The following ROBO1 variants were observed in gnomAD, a reference collection of about 807,000 sequenced individuals.
ROBO1 encodes roundabout guidance receptor 1, also known as roundabout homolog 1.
A neutral mutation model predicts 195.9 loss-of-function variants in ROBO1; 149 were observed. The observed-to-expected ratio is 0.76, with a 90% CI of 0.67 to 0.87. The LOEUF (loss-of-function observed/expected upper bound fraction) is 0.87, where lower values mean the gene tolerates loss of function less well. ROBO1 is among the 40% of genes least tolerant of loss of function. The pLI is 0.00. For synonymous variants in ROBO1, 816 were observed against 733.2 expected (o/e 1.11, Z -1.82); for missense variants, 1,933 against 2,068.3 (o/e 0.93, Z 1.27).
intron 10 of ROBO1, among the ~76,000 whole-genome samples, chr3:78,681,686 C>T (rs1337159079): frequency 6.6e-6 from 1 of 151,976 alleles, no homozygotes; most frequent in East Asian, 2.0e-4. Context: ...GGGTGGATCA[C>T]GAGGTCAGGA....
rs139168503 is a variant in ROBO1 at position 79,529,990 on chromosome 3, G to A, written c.88+59834C>T. Among the ~76,000 whole-genome samples, 34 of 152,196 alleles carry A rather than the reference G, an allele frequency of 2.2e-4. No individual in the cohort carries two copies. In the East Asian group the frequency reaches 5.6e-3, roughly 25 times the overall value. ...CCTTTTTAAGGTAAAATAGTTAAGC[G>A]CATGATATGGCTACTTGGAGAACCT... On this transcript the variant is annotated intron_variant, in intron 2 of 30. Transcript: ENST00000464233.
intron 2 of ROBO1, among the ~76,000 whole-genome samples, chr3:79,328,022 T>C (rs1161301741): frequency 6.6e-6 from 1 of 152,222 alleles, no homozygotes; most frequent in Non-Finnish European, 1.5e-5. Flanking sequence ...AAATAAGAGC[T>C]ATTAACCAAG....
chr3:79,008,887 C>CTGTGTG (rs1559586095), intron 3 of ROBO1, among the ~76,000 whole-genome samples: 280 of 73,570 alleles, frequency 3.8e-3, no homozygotes, highest in African/African-American at 0.013. Context: ...CTGCACCCAG[C>CTGTGTG]CGTGTGTGTG....
chr3:79,296,161 G>T (rs897017346), intron 2 of ROBO1, among the ~76,000 whole-genome samples: 1 of 152,050 alleles, frequency 6.6e-6, no homozygotes, highest in East Asian at 1.9e-4. Context: ...ATGGGGAAAC[G>T]TCCCTCTTAT....
At chr3:78,635,652 A>G in intron 23 of ROBO1, 121 bp downstream of exon 23, 1 of 870,060 alleles carries the variant, frequency 1.1e-6, no homozygotes. Context: ...CAAAGAAATA[A>G]GAAAATCTCA....
chr3:79,160,739 G>C (rs1285019443), intron 2 of ROBO1, among the ~76,000 whole-genome samples: 1 of 152,020 alleles, frequency 6.6e-6, no homozygotes, highest in Non-Finnish European at 1.5e-5. Context: ...AGGATGAACA[G>C]TGAGAAACAT....
At chr3:79,201,455 CACA>C (rs1352733753) in intron 2 of ROBO1, among the ~76,000 whole-genome samples, 1 of 151,956 alleles carries the variant, frequency 6.6e-6, no homozygotes, top group Admixed American at 6.6e-5. Context: ...ATTTAGTCCT[CACA>C]ACAATTCTAT....
intron 3 of ROBO1, among the ~76,000 whole-genome samples, chr3:79,064,930 A>G (rs2078980480): frequency 6.6e-6 from 1 of 152,012 alleles, no homozygotes; most frequent in Non-Finnish European, 1.5e-5. Context: ...GAAAAGTACT[A>G]CAGGTAAAAA....
intron 4 of ROBO1, among the ~76,000 whole-genome samples, chr3:78,825,769 G>T (rs1007384020): frequency 6.6e-6 from 1 of 152,140 alleles, no homozygotes; most frequent in Non-Finnish European, 1.5e-5. Flanking sequence ...AAGTGCAAAA[G>T]TGATATTCTC....
intron 2 of ROBO1, among the ~76,000 whole-genome samples, chr3:79,253,134 A>G (rs1452855241): frequency 4.6e-5 from 7 of 152,176 alleles, no homozygotes; most frequent in Non-Finnish European, 8.8e-5. Context: ...ATTCAATACA[A>G]ATCAATTATT....
intron 1 of ROBO1, among the ~76,000 whole-genome samples, chr3:79,738,233 A>G (rs981802515): frequency 2.6e-5 from 4 of 152,214 alleles, no homozygotes; most frequent in African/African-American, 9.6e-5. Flanking sequence ...CCCACCAAGT[A>G]GAGAAACAGT....
At position 79,023,607 on chromosome 3, in the gene ROBO1, G is replaced by A. The variant is rs139646266; in HGVS notation, c.173-84680C>T. ...GTTCCAAAACAAAAATCACAGGGAG[G>A]AGAAATTCCCAGGGTTATTCGTCTT... On this transcript the variant is annotated intron_variant, in intron 3 of 30. Coordinates refer to ENST00000464233, the MANE Select transcript of ROBO1 (RefSeq NM_002941.4). Among the ~76,000 whole-genome samples, 402 of 150,588 alleles carry A rather than the reference G, an allele frequency of 2.7e-3. 4 individuals carry two copies. Among genetic ancestry groups the A allele is most frequent in the African/African-American group, 8.5e-3 (348 of 40,956 alleles).
rs143961156 is a variant in ROBO1 at position 78,600,251 on chromosome 3, G to A, written c.4803C>T (p.Pro1601=). 1.3e-4 allele frequency: 212 copies of A among 1,613,218 alleles called. No individual in the cohort carries two copies. In the Middle Eastern group the frequency reaches 1.3e-3, roughly 10 times the overall value. The change falls in exon 30 of 31, where the codon CCC becomes CCT. Residue 1601 remains proline (P), a synonymous_variant. Coordinates refer to ENST00000464233, the MANE Select transcript of ROBO1 (RefSeq NM_002941.4). The stretch of plus-strand genomic sequence containing the variant: ...TTGATGACATTGAGCTTGAGGAACT[G>A]GGATCTCTGGGATTATTTGATGTTG... The part of the protein sequence containing the change: ...TFPTSNNPRD[P]SSSSSMSSRG...
chr3:79,604,308 T>C (rs765208235), intron 1 of ROBO1, among the ~76,000 whole-genome samples: 13 of 152,028 alleles, frequency 8.6e-5, no homozygotes, highest in Non-Finnish European at 1.8e-4. Context: ...TAAGATATGA[T>C]CCTTATTTAA....
At chr3:78,693,225 G>A in intron 8 of ROBO1, 1 of 1,323,912 alleles carries the variant, frequency 7.6e-7, no homozygotes, top group Non-Finnish European at 1.0e-6. Context: ...TGTGGCCAAT[G>A]ACAAGTGAAA....
At chr3:78,722,963 G>A (rs374977057) in intron 5 of ROBO1, among the ~76,000 whole-genome samples, 12 of 151,964 alleles carry the variant, frequency 7.9e-5, no homozygotes, top group East Asian at 7.7e-4. Context: ...TTACACATAC[G>A]CAGTTAATGA....
At chr3:79,068,970 CT>C (rs2079045250) in intron 3 of ROBO1, among the ~76,000 whole-genome samples, 1 of 151,764 alleles carries the variant, frequency 6.6e-6, no homozygotes, top group Admixed American at 6.6e-5. Context: ...TCTCCATGCA[CT>C]TTTCTTTTAG....
At chr3:79,128,876 T>C (rs2080269001) in intron 2 of ROBO1, among the ~76,000 whole-genome samples, 1 of 152,202 alleles carries the variant, frequency 6.6e-6, no homozygotes, top group South Asian at 2.1e-4. Context: ...GAGGAATGTA[T>C]AGAACTAATG....
At chr3:78,959,181 G>C (rs1413535093) in intron 3 of ROBO1, among the ~76,000 whole-genome samples, 1 of 151,982 alleles carries the variant, frequency 6.6e-6, no homozygotes, top group East Asian at 1.9e-4. Context: ...ATAGTAACTA[G>C]TACCAAAAAG....
Sources: allele counts gnomAD v4.1 joint callset (sites outside exome capture counted in the v4.1 genomes callset), GRCh38; gene constraint gnomAD v4.1.1; transcripts MANE v1.5; gene names NCBI Gene and HGNC (gene_info 2026-07-23, HGNC 2026-07-21).